SLC45A4: variants seen among roughly 807,000 people sequenced by gnomAD.
The protein encoded by SLC45A4 is solute carrier family 45 member 4.
SLC45A4 carries 32 observed loss-of-function variants against 63.7 expected under a neutral mutation model. That is an observed-to-expected ratio of 0.50 (90% CI 0.38 to 0.67). The LOEUF is 0.67. SLC45A4 is among the 30% of genes least tolerant of loss of function. The pLI is 0.00. For synonymous variants in SLC45A4, 535 were observed against 510.0 expected (o/e 1.05, Z -0.66); for missense variants, 1,027 against 1,157.7 (o/e 0.89, Z 1.64).
At chr8:141,289,559 T>A (rs1368266800) in intron 1 of SLC45A4, among the ~76,000 whole-genome samples, 1 of 152,168 alleles carries the variant, frequency 6.6e-6, no homozygotes, top group African/African-American at 2.4e-5. Context: ...TGGGTATGAC[T>A]GGGTTTTCCT....
intron 1 of SLC45A4, among the ~76,000 whole-genome samples, chr8:141,305,933 C>A (rs1377660274): frequency 6.6e-6 from 1 of 152,180 alleles, no homozygotes; most frequent in Non-Finnish European, 1.5e-5. Context: ...TCCTTCCCTG[C>A]AGATCTGCGG....
chr8:141,216,029 C>G, intron 6 of SLC45A4, 59 bp from the exon 7 acceptor site: 1 of 1,480,526 alleles, frequency 6.8e-7, no homozygotes, highest in South Asian at 1.2e-5. Flanking sequence ...CTGTCGGGCT[C>G]CCTCCACCAT....
At chr8:141,289,639 GGGTCAGCTTC>G (rs1830276295) in intron 1 of SLC45A4, among the ~76,000 whole-genome samples, 1 of 152,116 alleles carries the variant, frequency 6.6e-6, no homozygotes. Context: ...ATGCTGGAAA[GGGTCAGCTTC>G]CTGTAGTAAG....
rs768720423 is a variant in SLC45A4, at chr8:141,218,491, G to T, written c.1149C>A (p.Val383=). ...LLDNHLNEAK[V]PNGSGSPTKD... ...TTGTGGGGGAGCCACTTCCGTTTGG[G>T]ACTTTAGCTTCATTCAAGTGATTAT... Residue 383 remains valine (V), a synonymous_variant, in exon 5 of 9, where the codon GTC becomes GTA. Coordinates refer to ENST00000517878, the MANE Select transcript of SLC45A4 (RefSeq NM_001286646.2). The T allele has an allele frequency of 5.0e-6, 8 of 1,613,396 alleles. No homozygotes were observed. In the South Asian group the frequency reaches 7.7e-5, roughly 15 times the overall value.
intron 1 of SLC45A4, among the ~76,000 whole-genome samples, chr8:141,264,359 C>T (rs1016614442): frequency 6.6e-6 from 1 of 152,124 alleles, no homozygotes; most frequent in African/African-American, 2.4e-5. Flanking sequence ...CACTTGTCTC[C>T]GTTTCTCAAG....
rs989727178 is a variant in SLC45A4, at chr8:141,288,840, T to C, written c.-401+19256A>G. Among the ~76,000 whole-genome samples, 7 of 152,110 alleles carry C rather than the reference T, an allele frequency of 4.6e-5. No homozygotes were observed. In the East Asian group the frequency reaches 1.4e-3, roughly 29 times the overall value. Reference sequence around the variant, plus strand: ...GGAAGACGAGGGCAAGGGGCACAAGTCCCCGTGCAGCCACATTTTCTGTGG... The same window carrying C: ...GGAAGACGAGGGCAAGGGGCACAAGCCCCCGTGCAGCCACATTTTCTGTGG... On this transcript the variant is annotated intron_variant, in intron 1 of 8. Transcript: ENST00000517878.
At chr8:141,304,536 G>A (rs1158450383) in intron 1 of SLC45A4, among the ~76,000 whole-genome samples, 6 of 146,410 alleles carry the variant, frequency 4.1e-5, no homozygotes, top group Non-Finnish European at 7.5e-5. Flanking sequence ...TCCAGCCTGG[G>A]TGACAGAGTA....
At chr8:141,242,924 G>A (rs1287937430) in intron 2 of SLC45A4, among the ~76,000 whole-genome samples, 1 of 152,236 alleles carries the variant, frequency 6.6e-6, no homozygotes, top group African/African-American at 2.4e-5. Context: ...AAGAGGCGAC[G>A]GGATTTTCAA....
chr8:141,294,340 G>A (rs1283603081), intron 1 of SLC45A4, among the ~76,000 whole-genome samples: 2 of 152,380 alleles, frequency 1.3e-5, no homozygotes, highest in Admixed American at 6.5e-5. Context: ...ACCAGTGCGT[G>A]CAGAGGGAAC....
rs907082086 is a variant in SLC45A4, at chr8:141,260,977, T to C, written c.-400-6348A>G. Among the ~76,000 whole-genome samples, 6 of 152,312 alleles carry C rather than the reference T, an allele frequency of 3.9e-5. 1 individual carries two copies. The highest frequency in any genetic ancestry group is 3.9e-4 in the Admixed American group (6 of 15,306). On this transcript the variant is annotated intron_variant, in intron 1 of 8. Transcript: ENST00000517878. The stretch of plus-strand genomic sequence containing the variant: ...TGAACATTGATGCAAAAATCCTCAA[T>C]AAAATACTGGCAAACCGAATCCAGC...
rs1309832184 is a variant in SLC45A4 at position 141,215,895 on chromosome 8, G to C, written c.1805C>G (p.Ser602Cys). ...CATGGCCATCACGGCTGTGCCGACA[G>C]AGAAGCCCAGCGTCCCCAGCACGTA... ...VIYVLGTLGF[S>C]VGTAVMAMFP... The change falls in exon 7 of 9, where the codon TCT becomes TGT. Residue 602 changes from serine to cysteine, a missense_variant. Transcript: ENST00000517878. This position sits in a 1 kb window ranked among gnomAD's most constrained non-coding sequence, Gnocchi z 4.3. 2 of 1,614,154 alleles carry C rather than the reference G, an allele frequency of 1.2e-6. No individual in the cohort carries two copies. The highest frequency in any genetic ancestry group is 4.5e-5 in the East Asian group (2 of 44,892).
intron 2 of SLC45A4, chr8:141,230,141 C>T (rs187608051): frequency 3.9e-5 from 18 of 456,086 alleles, no homozygotes; most frequent in Non-Finnish European, 7.1e-5. Flanking sequence ...ACAGCCGGCC[C>T]GGTGAGTAGA....
intron 2 of SLC45A4, chr8:141,228,456 C>T (rs1322143371): frequency 1.5e-6 from 2 of 1,378,114 alleles, no homozygotes; most frequent in African/African-American, 1.5e-5. Context: ...TGTCTCAGGG[C>T]CGACCCTGTG....
At chr8:141,291,326 G>GAC (rs1159164725) in intron 1 of SLC45A4, among the ~76,000 whole-genome samples, 2 of 152,216 alleles carry the variant, frequency 1.3e-5, no homozygotes, top group African/African-American at 4.8e-5. Context: ...AGGGCTGGGG[G>GAC]ACACACACGC....
At chr8:141,292,326 T>C (rs2154615304) in intron 1 of SLC45A4, among the ~76,000 whole-genome samples, 1 of 152,356 alleles carries the variant, frequency 6.6e-6, no homozygotes, top group East Asian at 1.9e-4. Context: ...CTCAGGTTCC[T>C]CAGCTATGTG....
chr8:141,209,837 G>A lies in SLC45A4; in HGVS notation c.*1735C>T, dbSNP rs996216551. On this transcript the variant is annotated 3_prime_UTR_variant, in exon 9 of 9. Coordinates refer to ENST00000517878, the MANE Select transcript of SLC45A4 (RefSeq NM_001286646.2). ...AACACACTATTCAGAGGGGGGTTGC[G>A]AAGCCCCTCTTCCTCCTAAAAATCA... 2.6e-5 allele frequency: 4 copies of A among 152,208 alleles called. No homozygotes were observed. The highest frequency in any genetic ancestry group is 7.2e-5 in the African/African-American group (3 of 41,444). The allele number at this position is 152,208 out of a possible 1,614,324, so 9.4% of individuals were successfully genotyped here.
chr8:141,222,803 A>T (rs1019317075), intron 2 of SLC45A4, among the ~76,000 whole-genome samples: 5 of 152,244 alleles, frequency 3.3e-5, no homozygotes, highest in Non-Finnish European at 5.9e-5. Context: ...CCACTGTGAG[A>T]ACTTGGGTGC....
rs1222608667 is a variant in SLC45A4, at chr8:141,278,990, C to T, written c.-400-24361G>A. Among the ~76,000 whole-genome samples, 1 of 152,248 alleles carries T rather than the reference C, an allele frequency of 6.6e-6. No homozygotes were observed. The highest frequency in any genetic ancestry group is 1.9e-4 in the East Asian group (1 of 5,192). ...CCCAGCCCCCACCTTGGCCCCCAGC[C>T]TGTGGGCACAGTTTCTCTCCACAGG... On this transcript the variant is annotated intron_variant, in intron 1 of 8. Transcript: ENST00000517878. The surrounding 1 kb of genome is among the most constrained non-coding windows in gnomAD (Gnocchi z 4.1).
chr8:141,214,324 ATAAG>A (rs1409549995), intron 7 of SLC45A4, among the ~76,000 whole-genome samples: 1 of 152,214 alleles, frequency 6.6e-6, no homozygotes, highest in Non-Finnish European at 1.5e-5. Context: ...GGCAAGGAAA[ATAAG>A]TAACAGGTAC....
Sources: gnomAD v4.1 joint callset for allele counts (sites outside exome capture counted in the v4.1 genomes callset) on GRCh38, gnomAD v4.1.1 for gene constraint, Gnocchi (gnomAD v3.1) non-coding constraint, MANE v1.5 for transcripts, NCBI Gene and HGNC (gene_info 2026-07-23, HGNC 2026-07-21) for gene names.